CFAP54: variants seen among roughly 807,000 people sequenced by gnomAD.
CFAP54 encodes cilia- and flagella-associated protein 54.
In CFAP54, 290 loss-of-function variants were observed where a neutral mutation model predicts 370.4. That is an observed-to-expected ratio of 0.78 (90% confidence interval 0.71 to 0.86). The LOEUF is 0.86. CFAP54 is among the 40% of genes least tolerant of loss of function. The pLI is 0.00. For missense variants in CFAP54, 3,399 were observed against 3,528.7 expected, an observed-to-expected ratio of 0.96 and a Z score of 0.93; for synonymous variants, 1,206 against 1,236.5, an observed-to-expected ratio of 0.98 and a Z score of 0.52.
chr12:96,504,111 C>G, intron 3 of CFAP54, 82 bp downstream of exon 3: 1 of 1,308,954 alleles, frequency 7.6e-7, no homozygotes, highest in Non-Finnish European at 1.0e-6. Context: ...TTCTAAATGT[C>G]TTGTTGGCTT....
chr12:96,747,457 T>C (rs1214529748), intron 55 of CFAP54, among the ~76,000 whole-genome samples: 1 of 152,218 alleles, frequency 6.6e-6, no homozygotes, highest in Non-Finnish European at 1.5e-5. Context: ...TCAAGAAATA[T>C]GTTTTGGTCA....
chr12:96,562,428 CT>C (rs200487420), intron 17 of CFAP54, among the ~76,000 whole-genome samples: 2,147 of 115,058 alleles, frequency 0.019, 18 homozygotes, highest in Middle Eastern at 0.032. Context: ...TATTTGCATT[CT>C]TTTTTTTTTT....
chr12:96,826,943 GTA>G (rs1413886405), intron 65 of CFAP54, among the ~76,000 whole-genome samples: 6 of 125,198 alleles, frequency 4.8e-5, no homozygotes, highest in Admixed American at 4.6e-4. Flanking sequence ...ATGCAATTAT[GTA>G]TGATTATATA....
intron 42 of CFAP54, among the ~76,000 whole-genome samples, chr12:96,685,675 G>A (rs192517884): frequency 3.7e-4 from 56 of 151,998 alleles, no homozygotes; most frequent in African/African-American, 1.1e-3. Context: ...TCAGCCTCCC[G>A]AGTAGCTGGG....
chr12:96,686,401 A>G (rs994056651), intron 42 of CFAP54, among the ~76,000 whole-genome samples: 15 of 152,290 alleles, frequency 9.8e-5, no homozygotes, highest in African/African-American at 3.6e-4. Flanking sequence ...GCTTTGCTAC[A>G]AAGAAATACC....
Position 96,742,572 on chromosome 12 carries a change from T to C in CFAP54, c.7205T>C (p.Ile2402Thr), listed in dbSNP as rs373695195. The change falls in exon 52 of 68, where the codon ATT (isoleucine) becomes ACT (threonine). Residue 2402 changes from isoleucine (I) to threonine (T), a missense_variant. This residue lies in a region of CFAP54 where 2,796 missense variants were observed against 2,869.7 expected (regional missense o/e 0.97). Transcript: ENST00000524981. ...GCATTTGTTGCACAGATTCATGGCA[T>C]TGGAATTGTGAAAGGTACAAACATT... ...VTAFVAQIHG[I>T]GIVKEDDMTD... 9.3e-6 allele frequency: 15 copies of C among 1,612,368 alleles called. No individual in the cohort carries two copies. The highest frequency in any genetic ancestry group is 1.7e-5 in the Admixed American group (1 of 59,844).
chr12:96,677,522 G>A (rs1048823013), intron 39 of CFAP54, among the ~76,000 whole-genome samples: 1 of 152,146 alleles, frequency 6.6e-6, no homozygotes, highest in African/African-American at 2.4e-5. Context: ...GAGGGTGGGG[G>A]CATGAGGAGT....
At chr12:96,791,846 T>C (rs982472416) in intron 62 of CFAP54, among the ~76,000 whole-genome samples, 2 of 151,288 alleles carry the variant, frequency 1.3e-5, no homozygotes, top group South Asian at 2.1e-4. Flanking sequence ...GAAGCATTTT[T>C]TTTTCTTTTT....
At chr12:96,501,250 T>C (rs1955023037) in intron 2 of CFAP54, 1 of 192,278 alleles carries the variant, frequency 5.2e-6, no homozygotes, top group Admixed American at 5.8e-5. Context: ...ATCGTGTTCC[T>C]ACCTTATACA....
intron 62 of CFAP54, among the ~76,000 whole-genome samples, chr12:96,788,161 C>T (rs17025921): frequency 2.0e-5 from 3 of 152,184 alleles, no homozygotes; most frequent in Non-Finnish European, 2.9e-5. Context: ...CAACAACAAC[C>T]GAAACAGTTT....
chr12:96,698,264 T>C (rs1957456331), intron 45 of CFAP54, among the ~76,000 whole-genome samples: 3 of 152,224 alleles, frequency 2.0e-5, no homozygotes, highest in Non-Finnish European at 4.4e-5. Context: ...TGATTGATGA[T>C]CCTGCTGGAT....
In CFAP54 at chr12:96,813,953, T is replaced by C. The variant is rs140047587; in HGVS notation, c.8957+2111T>C. On this transcript the variant is annotated intron_variant, in intron 64 of 67. Transcript: ENST00000524981. ...GAGCACAAAGGGAGGGAGCAAGATG[T>C]AGGCAGGTGCAGTCATGGGGTCCAG... 2.7e-3 allele frequency among the ~76,000 whole-genome samples: 404 copies of C among 152,278 alleles called. 1 individual carries two copies. The highest frequency in any genetic ancestry group is 9.1e-3 in the African/African-American group (380 of 41,560).
chr12:96,820,181 C>T (rs1959016591), intron 65 of CFAP54, among the ~76,000 whole-genome samples: 1 of 152,072 alleles, frequency 6.6e-6, no homozygotes, highest in Non-Finnish European at 1.5e-5. Flanking sequence ...CCCATCTCTC[C>T]TGCTTTTAGG....
intron 40 of CFAP54, 123 bp from the exon 41 acceptor site, chr12:96,684,525 T>TTG (rs1479377822): frequency 1.4e-6 from 1 of 712,198 alleles, no homozygotes; most frequent in African/African-American, 1.8e-5. Flanking sequence ...CGCTGTTAAC[T>TTG]TGCAGTTTGC....
chr12:96,595,668 G>T (rs1029604326), intron 25 of CFAP54, among the ~76,000 whole-genome samples: 13 of 152,124 alleles, frequency 8.5e-5, no homozygotes, highest in African/African-American at 3.1e-4. Flanking sequence ...ACAGCTGCTG[G>T]AGATCTGCCT....
chr12:96,845,499 C>T (rs1378217710), intron 66 of CFAP54, among the ~76,000 whole-genome samples: 1 of 152,148 alleles, frequency 6.6e-6, no homozygotes. Context: ...TGGAGGGAAG[C>T]CCACATCCAA....
Position 96,836,795 on chromosome 12 carries a change from G to T in CFAP54, c.9171+7707G>T, listed in dbSNP as rs12316471. Among the ~76,000 whole-genome samples the T allele has an allele frequency of 4.6e-4, 70 of 152,030 alleles. 1 individual carries two copies. The highest frequency in any genetic ancestry group is 2.0e-3 in the Admixed American group (31 of 15,262). On this transcript the variant is annotated intron_variant, in intron 66 of 67. Coordinates refer to ENST00000524981, the MANE Select transcript of CFAP54 (RefSeq NM_001306084.2). ...CATTTTATATGGTTGAATTTAGTAC[G>T]TTTATAGTTTCTTATTTCTGATTTT... is the stretch of plus-strand genomic sequence containing the variant.
rs576941942 is a variant in CFAP54, at chr12:96,647,991, A to T, written c.4664A>T (p.Lys1555Ile). The change falls in exon 34 of 68, where the codon AAA becomes ATA. Residue 1555 changes from lysine (K) to isoleucine (I), a missense_variant. By Grantham distance (102) the Lys-to-Ile change is moderately radical. Around this residue, in one of 3 missense-constraint regions of CFAP54, gnomAD observed 2,796 missense variants for 2,869.7 expected, o/e 0.97. Transcript: ENST00000524981. ...KAMLDFLLTA[K>I]KRKANLPSDA... ...ATGCTTGATTTCCTTCTTACAGCCA[A>T]AAAAAGAAAGGCCAACTTACCATCA... 2 of 1,507,504 alleles carry T rather than the reference A, an allele frequency of 1.3e-6. No homozygotes were observed. The highest frequency in any genetic ancestry group is 2.6e-5 in the South Asian group (2 of 77,570). The allele number at this position is 1,507,504 out of a possible 1,614,324, so 93.4% of individuals were successfully genotyped here.
At chr12:96,771,574 C>T (rs1232908538) in intron 60 of CFAP54, among the ~76,000 whole-genome samples, 4 of 152,158 alleles carry the variant, frequency 2.6e-5, no homozygotes, top group African/African-American at 7.2e-5. Context: ...ATGGCGTGAA[C>T]CCGGGAGGCG....
Sources: gnomAD v4.1 joint callset for allele counts (sites outside exome capture counted in the v4.1 genomes callset) on GRCh38, gnomAD v4.1.1 for gene constraint, gnomAD v4.1.1 regional missense constraint, MANE v1.5 for transcripts, NCBI Gene and HGNC (gene_info 2026-07-23, HGNC 2026-07-21) for gene names.